The following CDK5RAP2 variants were observed in gnomAD, a reference collection of about 807,000 sequenced individuals.
CDK5RAP2 encodes CDK5 regulatory subunit-associated protein 2.
In CDK5RAP2, 147 loss-of-function variants were observed where a neutral mutation model predicts 232.9. The ratio of observed to expected loss-of-function variants is 0.63; its 90% confidence interval spans 0.55 to 0.72. CDK5RAP2 has a LOEUF of 0.72. CDK5RAP2 is among the 30% of genes least tolerant of loss of function. The pLI is 0.00. For missense variants in CDK5RAP2, 2,195 were observed against 2,231.5 expected (o/e 0.98, Z 0.33); for synonymous variants, 833 against 833.7 (o/e 1.00, Z 0.01).
chr9:120,467,900 T>C lies in CDK5RAP2; in HGVS notation c.2066A>G (p.Asn689Ser), dbSNP rs2037473429. ...FDLSCMGFQG[N>S]GFPDRLASTE... is the part of the protein sequence containing the mutation. ...AGACGCAAGTCTATCTGGAAACCCA[T>C]TTCCCTGGAAACCCATGCAGGAGAG... Residue 689 changes from asparagine (N) to serine (S), a missense_variant, in exon 18 of 38, where the codon AAT becomes AGT. Physicochemically the swap from Asn to Ser is conservative, Grantham distance 46 (BLOSUM62 1). Transcript: ENST00000349780. 2 of 1,614,142 alleles carry C rather than the reference T, an allele frequency of 1.2e-6. No individual in the cohort carries two copies. The highest frequency in any genetic ancestry group is 1.7e-6 in the Non-Finnish European group (2 of 1,179,978).
intron 14 of CDK5RAP2, among the ~76,000 whole-genome samples, chr9:120,481,147 C>T (rs1485911879): frequency 6.6e-6 from 1 of 152,232 alleles, no homozygotes. Context: ...CGTGTTACTA[C>T]ACTCCCCATT....
chr9:120,420,736 A>G (rs891792232), intron 26 of CDK5RAP2, among the ~76,000 whole-genome samples: 10 of 152,216 alleles, frequency 6.6e-5, no homozygotes, highest in Non-Finnish European at 2.9e-5. Flanking sequence ...AGACAACAGC[A>G]AAGACTCTAA....
chr9:120,446,527 G>A (rs867153792), intron 22 of CDK5RAP2, among the ~76,000 whole-genome samples: 1 of 152,096 alleles, frequency 6.6e-6, no homozygotes, highest in Non-Finnish European at 1.5e-5. Context: ...CACTCGGCCT[G>A]TCAACTCCCA....
intron 14 of CDK5RAP2, 66 bp downstream of exon 14, chr9:120,487,228 C>G (rs1226466955): frequency 6.4e-7 from 1 of 1,552,762 alleles, no homozygotes; most frequent in East Asian, 2.2e-5. Flanking sequence ...AAGGAGTTAT[C>G]AAATATGTTT....
chr9:120,456,073 A>G (rs2036756099), intron 20 of CDK5RAP2, among the ~76,000 whole-genome samples: 1 of 152,238 alleles, frequency 6.6e-6, no homozygotes, highest in South Asian at 2.1e-4. Flanking sequence ...AAATCATCTA[A>G]AAAATAAAGG....
rs974783463 is a variant in CDK5RAP2, at chr9:120,413,909, G to A, written c.4297+1131C>T. On this transcript the variant is annotated intron_variant, in intron 28 of 37. Transcript: ENST00000349780. Reference sequence around the variant, plus strand: ...TTCCCTTGCAAGCTGCAGCATGCACGGTACTTGGGAAAGATGTCCCTCCCG... The same window carrying A: ...TTCCCTTGCAAGCTGCAGCATGCACAGTACTTGGGAAAGATGTCCCTCCCG... 3.3e-5 allele frequency among the ~76,000 whole-genome samples: 5 copies of A among 152,254 alleles called. No homozygotes were observed. The East Asian group carries it at 7.7e-4, about 24-fold the overall frequency.
chr9:120,509,714 A>G (rs1324299173), intron 12 of CDK5RAP2, among the ~76,000 whole-genome samples: 1 of 152,048 alleles, frequency 6.6e-6, no homozygotes, highest in Non-Finnish European at 1.5e-5. Flanking sequence ...GCTAAGTGTC[A>G]CTCCCTCTCT....
At chr9:120,514,503 C>A (rs556262746) in intron 12 of CDK5RAP2, among the ~76,000 whole-genome samples, 1 of 152,188 alleles carries the variant, frequency 6.6e-6, no homozygotes, top group Non-Finnish European at 1.5e-5. Flanking sequence ...GTTCTTCTTC[C>A]TCTTCTGCAG....
At chr9:120,439,375 G>A (rs1285429160) in intron 24 of CDK5RAP2, 24 bp downstream of exon 24, 4 of 1,597,288 alleles carry the variant, frequency 2.5e-6, no homozygotes, top group South Asian at 1.1e-5. Context: ...GCTTAAACGG[G>A]GAGACGGCAG....
At chr9:120,389,638 C>A in intron 37 of CDK5RAP2, 103 bp downstream of exon 37, 1 of 1,101,556 alleles carries the variant, frequency 9.1e-7, no homozygotes, top group Non-Finnish European at 1.4e-6. Flanking sequence ...GAGGACATGT[C>A]CCCTGGTTCC....
intron 14 of CDK5RAP2, among the ~76,000 whole-genome samples, chr9:120,480,820 A>T (rs1175775450): frequency 6.6e-6 from 1 of 152,200 alleles, no homozygotes; most frequent in Non-Finnish European, 1.5e-5. Flanking sequence ...TAAATGCTAA[A>T]CCACCAGTCT....
intron 10 of CDK5RAP2, among the ~76,000 whole-genome samples, chr9:120,525,711 C>A (rs571885214): frequency 1.3e-5 from 2 of 152,098 alleles, no homozygotes; most frequent in East Asian, 1.9e-4. Flanking sequence ...CAACTCCCCA[C>A]GCTCAAGCAA....
At chr9:120,424,619 C>G (rs549396370) in intron 25 of CDK5RAP2, among the ~76,000 whole-genome samples, 31 of 152,218 alleles carry the variant, frequency 2.0e-4, no homozygotes, top group African/African-American at 7.5e-4. Context: ...GCCAGCCCAG[C>G]CTTCCAAAAA....
rs1034424022 is a variant in CDK5RAP2 at position 120,415,139 on chromosome 9, G to C, written c.4198C>G (p.Gln1400Glu). ...CGCTTTCTCAAAGTTCGAATTTCCTGTATGTGTTCCATTAGTAAGTCTACA... is the reference window on the plus strand; with the variant it reads ...CGCTTTCTCAAAGTTCGAATTTCCTCTATGTGTTCCATTAGTAAGTCTACA... Reference protein sequence around the residue: ...FSQDLLMEHIQEIRTLRKRLE... With the variant: ...FSQDLLMEHIEEIRTLRKRLE... The change falls in exon 28 of 38, where the codon CAG (glutamine) becomes GAG (glutamate). Residue 1400 changes from glutamine (Q) to glutamate (E), a missense_variant. By Grantham distance (29) the Gln-to-Glu change is conservative. Transcript: ENST00000349780. The C allele has an allele frequency of 6.2e-7, 1 of 1,614,076 alleles. No individual in the cohort carries two copies.
At chr9:120,479,513 G>C (rs554823280) in intron 14 of CDK5RAP2, among the ~76,000 whole-genome samples, 12 of 152,204 alleles carry the variant, frequency 7.9e-5, no homozygotes, top group Non-Finnish European at 1.6e-4. Context: ...GCCAGTAATG[G>C]GGCAAATCCA....
At chr9:120,504,745 T>G (rs1276548241) in intron 12 of CDK5RAP2, among the ~76,000 whole-genome samples, 2 of 152,244 alleles carry the variant, frequency 1.3e-5, no homozygotes, top group African/African-American at 4.8e-5. Flanking sequence ...CAGCTTTATC[T>G]GCAACCAGTC....
intron 25 of CDK5RAP2, among the ~76,000 whole-genome samples, chr9:120,436,667 G>A (rs917247359): frequency 3.3e-5 from 5 of 152,210 alleles, no homozygotes; most frequent in Admixed American, 1.3e-4. Context: ...ATAATAGAGC[G>A]CGTGTGTGTA....
intron 3 of CDK5RAP2, among the ~76,000 whole-genome samples, chr9:120,565,814 G>A (rs902849711): frequency 1.3e-5 from 2 of 152,164 alleles, no homozygotes; most frequent in African/African-American, 4.8e-5. Context: ...TGGCCCCACA[G>A]CACCCTAGAC....
chr9:120,399,099 C>G (rs1255957815), intron 35 of CDK5RAP2, among the ~76,000 whole-genome samples: 2 of 152,154 alleles, frequency 1.3e-5, no homozygotes, highest in Non-Finnish European at 2.9e-5. Flanking sequence ...TGAGCATAAT[C>G]AATTACTCAA....
Sources: allele counts gnomAD v4.1 joint callset (sites outside exome capture counted in the v4.1 genomes callset), GRCh38; gene constraint gnomAD v4.1.1; transcripts MANE v1.5; gene names NCBI Gene and HGNC (gene_info 2026-07-23, HGNC 2026-07-21).